Variants in PIKFYVE observed in about 807,000 individuals in gnomAD.
PIKFYVE encodes the protein 1-phosphatidylinositol 3-phosphate 5-kinase.
A neutral mutation model predicts 257.9 loss-of-function variants in PIKFYVE; 122 were observed. That is an observed-to-expected ratio of 0.47 (90% confidence interval 0.41 to 0.55). PIKFYVE has a LOEUF of 0.55. PIKFYVE is among the 20% of genes least tolerant of loss of function. The pLI is 0.00. For missense variants in PIKFYVE, 2,160 were observed against 2,536.6 expected, an observed-to-expected ratio of 0.85 and a Z score of 3.19; for synonymous variants, 892 against 868.9, an observed-to-expected ratio of 1.03 and a Z score of -0.47.
intron 16 of PIKFYVE, 103 bp from the exon 17 acceptor site, chr2:208,320,147 TAA>T (rs1696041686): frequency 1.4e-6 from 2 of 1,421,348 alleles, no homozygotes; most frequent in South Asian, 1.4e-5. Context: ...TGAGATACAT[TAA>T]GTTAGTAGGA....
rs201161263 is a variant in PIKFYVE at position 208,325,625 on chromosome 2, G to C, written c.2814G>C (p.Lys938Asn). The change falls in exon 20 of 42, where the codon AAG (lysine) becomes AAC (asparagine). Residue 938 changes from lysine (K) to asparagine (N), a missense_variant. Around this residue, in one of 12 missense-constraint regions of PIKFYVE, gnomAD observed 522 missense variants for 514.6 expected, o/e 1.01. Coordinates refer to ENST00000264380, the MANE Select transcript of PIKFYVE (RefSeq NM_015040.4). ...TGGAATTGAGGATTGTGTTTGAGAA[G>C]GGTGAGCAGGAAAATAAAAATCTTC... The part of the protein sequence containing the change: ...SLLELRIVFE[K>N]GEQENKNLPQ... 6.2e-7 allele frequency: 1 copy of C among 1,614,106 alleles called. No individual in the cohort carries two copies. Among genetic ancestry groups the C allele is most frequent in the African/African-American group, 1.3e-5 (1 of 75,042 alleles).
intron 25 of PIKFYVE, among the ~76,000 whole-genome samples, 186 bp downstream of exon 25, chr2:208,335,605 A>G (rs1698046841): frequency 6.6e-6 from 1 of 152,238 alleles, no homozygotes; most frequent in Admixed American, 6.5e-5. Context: ...ACTCTTTTAG[A>G]CATAACAACT....
intron 22 of PIKFYVE, 86 bp downstream of exon 22, chr2:208,329,999 T>C: frequency 6.5e-7 from 1 of 1,533,608 alleles, no homozygotes; most frequent in Non-Finnish European, 8.9e-7. Flanking sequence ...AGTCGGATGT[T>C]AAGTGACTGT....
intron 8 of PIKFYVE, among the ~76,000 whole-genome samples, chr2:208,299,453 C>T (rs1693413888): frequency 6.6e-6 from 1 of 151,998 alleles, no homozygotes; most frequent in South Asian, 2.1e-4. Context: ...CCACACTGAG[C>T]TAATTTTTGT....
Position 208,329,862 on chromosome 2 carries a change from A to G in PIKFYVE, c.3740A>G (p.Tyr1247Cys), listed in dbSNP as rs1437167846. ...TTTAGGATTGTAACAATGGAATTTT[A>G]TGGAAAGAATGATCTTACATTAGGA... ...VSPWIVTMEFYGKNDLTLGIF... is the reference protein window; with the variant it reads ...VSPWIVTMEFCGKNDLTLGIF... The change falls in exon 22 of 42, where the codon TAT becomes TGT. Residue 1247 changes from tyrosine to cysteine, a missense_variant. Transcript: ENST00000264380. 2 of 1,610,692 alleles carry G rather than the reference A, an allele frequency of 1.2e-6. No homozygotes were observed. The highest frequency in any genetic ancestry group is 8.5e-7 in the Non-Finnish European group (1 of 1,177,660).
intron 20 of PIKFYVE, among the ~76,000 whole-genome samples, chr2:208,327,643 CAG>C (rs1457887617): frequency 6.6e-6 from 1 of 152,158 alleles, no homozygotes; most frequent in Non-Finnish European, 1.5e-5. Flanking sequence ...TTTAAAACCA[CAG>C]AGTCAAACTC....
chr2:208,267,223 A>AT (rs1195165735), intron 1 of PIKFYVE, among the ~76,000 whole-genome samples: 1 of 108,400 alleles, frequency 9.2e-6, no homozygotes, highest in Non-Finnish European at 1.8e-5. Context: ...TAATGTACTT[A>AT]TTTCTGATTT....
In PIKFYVE at chr2:208,326,440, C is replaced by G; in HGVS notation, c.3618+11C>G. ...GTGTGGTCAACAAAGGTGAGCCAGA[C>G]CACTTTCTGATGCTCCTGTGCATTT... On this transcript the variant is annotated intron_variant, in intron 20 of 41. Coordinates refer to ENST00000264380, the MANE Select transcript of PIKFYVE (RefSeq NM_015040.4). 4 of 1,612,462 alleles carry G rather than the reference C, an allele frequency of 2.5e-6. No individual in the cohort carries two copies. Among genetic ancestry groups the G allele is most frequent in the Non-Finnish European group, 3.4e-6 (4 of 1,178,662 alleles).
intron 12 of PIKFYVE, chr2:208,305,270 T>A: frequency 7.5e-7 from 1 of 1,341,734 alleles, no homozygotes; most frequent in Non-Finnish European, 9.6e-7. Flanking sequence ...GAACTACATC[T>A]GACTGCTCTT....
rs190471981 is a variant in PIKFYVE at position 208,344,264 on chromosome 2, A to G, written c.5028-847A>G. 1.8e-4 allele frequency among the ~76,000 whole-genome samples: 28 copies of G among 152,298 alleles called. No individual in the cohort carries two copies. The East Asian group carries it at 3.3e-3, about 18-fold the overall frequency. On this transcript the variant is annotated intron_variant, in intron 32 of 41. Coordinates refer to ENST00000264380, the MANE Select transcript of PIKFYVE (RefSeq NM_015040.4). ...TTCCAGGGAGTCCATTTATTCAACA[A>G]ATATTTGAATGTTTACAAAATGTGA... is the stretch of plus-strand genomic sequence containing the variant.
In PIKFYVE at chr2:208,342,638, T is replaced by C. The variant is rs773972150; in HGVS notation, c.5016T>C (p.Ala1672=). Residue 1672 remains alanine (A), a synonymous_variant, in exon 32 of 42, where the codon GCT becomes GCC. Transcript: ENST00000264380. ...AGAAGGAACCCAGCTCCATCATTGC[T>C]TTTGCTCTCAGGTATTATTCATGGG... is the stretch of plus-strand genomic sequence containing the variant. The part of the protein sequence containing the change: ...VCEKEPSSII[A]FALSCKEYRN... 1.9e-6 allele frequency: 3 copies of C among 1,610,328 alleles called. No homozygotes were observed. In the Admixed American group the frequency reaches 5.0e-5, roughly 27 times the overall value.
chr2:208,311,241 G>A (rs1694903948), intron 12 of PIKFYVE, among the ~76,000 whole-genome samples: 1 of 152,176 alleles, frequency 6.6e-6, no homozygotes, highest in Admixed American at 6.5e-5. Context: ...AGGATTTGGT[G>A]TTACTCATTC....
intron 34 of PIKFYVE, among the ~76,000 whole-genome samples, chr2:208,347,397 AG>A (rs1233336204): frequency 6.6e-6 from 1 of 152,214 alleles, no homozygotes; most frequent in African/African-American, 2.4e-5. Context: ...GTTAAACTGT[AG>A]GAACACAAAT....
chr2:208,317,530 C>A (rs1437252770), intron 15 of PIKFYVE, among the ~76,000 whole-genome samples: 1 of 152,058 alleles, frequency 6.6e-6, no homozygotes, highest in Non-Finnish European at 1.5e-5. Flanking sequence ...AGATTGGACA[C>A]CCCTGATTTA....
chr2:208,336,729 A>G, intron 27 of PIKFYVE, 109 bp from the exon 28 acceptor site: 1 of 694,540 alleles, frequency 1.4e-6, no homozygotes, highest in South Asian at 1.7e-5. Context: ...ATGGTAATCC[A>G]AATAGGAAAA....
intron 38 of PIKFYVE, among the ~76,000 whole-genome samples, chr2:208,351,818 G>A (rs1221954778): frequency 6.6e-6 from 1 of 152,140 alleles, no homozygotes. Context: ...ATTACTGCAA[G>A]GACGGCACCA....
chr2:208,293,104 C>T (rs747624805), intron 7 of PIKFYVE, among the ~76,000 whole-genome samples: 3 of 143,726 alleles, frequency 2.1e-5, no homozygotes, highest in Non-Finnish European at 4.5e-5. Context: ...TTAATGATTG[C>T]CCTAGAGTTT....
In PIKFYVE at chr2:208,312,291, C is replaced by A; in HGVS notation, c.1692C>A (p.Ile564=). The change falls in exon 13 of 42, where the codon ATC becomes ATA. Residue 564 remains isoleucine, a synonymous_variant. Coordinates refer to ENST00000264380, the MANE Select transcript of PIKFYVE (RefSeq NM_015040.4). ...GQQLSISDAF[I]KESLFNRRVE... ...AGCTCTCAATAAGTGACGCTTTCAT[C>A]AAAGGTAATTTTATAAAAAGCTGTA... 1 of 1,606,014 alleles carries A rather than the reference C, an allele frequency of 6.2e-7. No individual in the cohort carries two copies. The highest frequency in any genetic ancestry group is 8.5e-7 in the Non-Finnish European group (1 of 1,174,196).
intron 12 of PIKFYVE, chr2:208,305,228 A>C: frequency 6.9e-7 from 1 of 1,443,592 alleles, no homozygotes; most frequent in Non-Finnish European, 9.1e-7. Flanking sequence ...CAGCACCACC[A>C]TGCCCAGTGT....
Sources: gnomAD v4.1 joint callset for allele counts (sites outside exome capture counted in the v4.1 genomes callset) on GRCh38, gnomAD v4.1.1 for gene constraint, gnomAD v4.1.1 regional missense constraint, MANE v1.5 for transcripts, NCBI Gene and HGNC (gene_info 2026-07-23, HGNC 2026-07-21) for gene names.